PKIB: variants seen among roughly 807,000 people sequenced by gnomAD.
PKIB encodes the protein PKI-beta.
A neutral mutation model predicts 4.5 loss-of-function variants in PKIB; 2 were observed. The ratio of observed to expected loss-of-function variants is 0.44; its 90% confidence interval spans 0.18 to 1.39. The LOEUF (loss-of-function observed/expected upper bound fraction) is 1.39. PKIB is among the 40% of genes most tolerant of loss of function. The pLI is 0.27. For missense variants in PKIB, 94 were observed against 92.6 expected (o/e 1.02, Z -0.06); for synonymous variants, 38 against 36.0 (o/e 1.06, Z -0.20).
upstream of PKIB, among the ~76,000 whole-genome samples, chr6:122,608,326 T>C (rs1311288658): frequency 1.3e-5 from 2 of 152,180 alleles, no homozygotes; most frequent in African/African-American, 2.4e-5. Flanking sequence ...AATCCCAAAG[T>C]TGGATTAAAC....
intron 2 of PKIB, among the ~76,000 whole-genome samples, chr6:122,489,178 T>A (rs1357194968): frequency 6.6e-6 from 1 of 151,894 alleles, no homozygotes; most frequent in African/African-American, 2.4e-5. Context: ...TAGATTTTTT[T>A]AAAGAAGGGG....
chr6:122,576,710 A>ATATATATATATATTTTT (rs59569106), intron 2 of PKIB, among the ~76,000 whole-genome samples: 1 of 109,990 alleles, frequency 9.1e-6, no homozygotes, highest in African/African-American at 4.0e-5. Context: ...ATATATATAT[A>ATATATATATATATTTTT]TTTTCTTTTG....
chr6:122,570,176 C>G (rs535035346), intron 2 of PKIB, among the ~76,000 whole-genome samples: 1 of 152,316 alleles, frequency 6.6e-6, no homozygotes, highest in Non-Finnish European at 1.5e-5. Flanking sequence ...AAAGAGGAGC[C>G]TGTCTAACCT....
intron 2 of PKIB, among the ~76,000 whole-genome samples, chr6:122,580,654 A>G (rs1211394124): frequency 6.6e-6 from 1 of 152,076 alleles, no homozygotes; most frequent in Non-Finnish European, 1.5e-5. Context: ...CCTGTATCAT[A>G]TCTATATGCA....
intron 3 of PKIB, among the ~76,000 whole-genome samples, chr6:122,692,996 G>A (rs9490521): frequency 0.48 from 72,261 of 152,040 alleles, 17,962 homozygotes; most frequent in Non-Finnish European, 0.56. Flanking sequence ...TTCTCTCCAC[G>A]TTCCATAGAG....
chr6:122,601,170 G>A (rs1404541001), intron 3 of PKIB, among the ~76,000 whole-genome samples: 1 of 152,070 alleles, frequency 6.6e-6, no homozygotes, highest in East Asian at 1.9e-4. Context: ...TGATCTGTGG[G>A]ACAACTTCAG....
intron 2 of PKIB, among the ~76,000 whole-genome samples, chr6:122,500,396 A>G (rs1010539815): frequency 1.3e-5 from 2 of 152,240 alleles, no homozygotes; most frequent in Admixed American, 1.3e-4. Flanking sequence ...TTGCTTCTAC[A>G]TTCTAACACT....
At chr6:122,523,083 T>G (rs1776992068) in intron 2 of PKIB, among the ~76,000 whole-genome samples, 1 of 152,212 alleles carries the variant, frequency 6.6e-6, no homozygotes, top group Admixed American at 6.5e-5. Context: ...ATGAAAAACT[T>G]CAGTTTTCAC....
intron 2 of PKIB, among the ~76,000 whole-genome samples, chr6:122,536,418 T>G (rs1381493323): frequency 6.6e-6 from 1 of 152,212 alleles, no homozygotes; most frequent in African/African-American, 2.4e-5. Context: ...ATAGTAATTA[T>G]AAGAAATGCA....
At chr6:122,707,462 A>C (rs574074479) in intron 3 of PKIB, among the ~76,000 whole-genome samples, 1 of 152,216 alleles carries the variant, frequency 6.6e-6, no homozygotes, top group African/African-American at 2.4e-5. Flanking sequence ...TTGATGAAAT[A>C]GAAGAAAAAG....
chr6:122,522,234 G>A (rs891938877), intron 2 of PKIB, among the ~76,000 whole-genome samples: 6 of 151,932 alleles, frequency 3.9e-5, no homozygotes, highest in African/African-American at 1.2e-4. Flanking sequence ...AATATCAAAC[G>A]GCAAATTTAA....
At chr6:122,544,911 G>A (rs187944609) in intron 2 of PKIB, among the ~76,000 whole-genome samples, 1 of 152,092 alleles carries the variant, frequency 6.6e-6, no homozygotes, top group Admixed American at 6.6e-5. Context: ...CTAATAATTA[G>A]GGAAATGCAA....
At chr6:122,654,167 T>C (rs1228488096) in intron 2 of PKIB, among the ~76,000 whole-genome samples, 2 of 152,198 alleles carry the variant, frequency 1.3e-5, no homozygotes, top group African/African-American at 4.8e-5. Context: ...TATGTTCTGC[T>C]CTGTCAATAA....
intron 3 of PKIB, among the ~76,000 whole-genome samples, chr6:122,690,932 ATTT>A (rs1210629019): frequency 1.4e-5 from 2 of 138,782 alleles, no homozygotes; most frequent in African/African-American, 5.4e-5. Flanking sequence ...ATATATATAT[ATTT>A]TTTTTTTTTT....
intron 1 of PKIB, among the ~76,000 whole-genome samples, chr6:122,617,081 G>A (rs1582742045): frequency 6.6e-6 from 1 of 152,096 alleles, no homozygotes; most frequent in Non-Finnish European, 1.5e-5. Context: ...TTAGCCAGTG[G>A]CTGAGCACAC....
intron 2 of PKIB, among the ~76,000 whole-genome samples, chr6:122,656,925 C>G (rs1776796461): frequency 6.6e-6 from 1 of 152,192 alleles, no homozygotes; most frequent in Admixed American, 6.5e-5. Context: ...TCATTATTAT[C>G]TAATGACTTA....
intron 3 of PKIB, among the ~76,000 whole-genome samples, chr6:122,686,821 T>G (rs1778110779): frequency 6.6e-6 from 1 of 152,194 alleles, no homozygotes; most frequent in Non-Finnish European, 1.5e-5. Flanking sequence ...ATTATTAATT[T>G]TTTCCTATAA....
intron 2 of PKIB, among the ~76,000 whole-genome samples, chr6:122,672,484 C>CCCTTTACCTTGATGAGTACCTTT (rs1306383787): frequency 5.9e-5 from 9 of 152,270 alleles, no homozygotes; most frequent in Middle Eastern, 3.4e-3. Context: ...GGTATCAATA[C>CCCTTTACCTTGATGAGTACCTTT]ACCTTGATGA....
intron 2 of PKIB, among the ~76,000 whole-genome samples, chr6:122,573,414 C>T (rs188708616): frequency 2.0e-5 from 3 of 150,904 alleles, no homozygotes; most frequent in East Asian, 2.0e-4. Flanking sequence ...CCCAGGTACT[C>T]GCGAGGCTGA....
Sources: allele counts gnomAD v4.1 joint callset (sites outside exome capture counted in the v4.1 genomes callset), GRCh38; gene constraint gnomAD v4.1.1; transcripts MANE v1.5; gene names NCBI Gene and HGNC (gene_info 2026-07-23, HGNC 2026-07-21).